TNRC18: variants seen among roughly 807,000 people sequenced by gnomAD.
TNRC18 encodes trinucleotide repeat containing 18, also known as trinucleotide repeat-containing gene 18 protein.
A neutral mutation model predicts 226.7 loss-of-function variants in TNRC18; 69 were observed. The ratio of observed to expected loss-of-function variants is 0.30; its 90% confidence interval spans 0.25 to 0.37. The LOEUF (loss-of-function observed/expected upper bound fraction) is 0.37. Ranked by LOEUF, TNRC18 falls within the 10% of genes least tolerant of loss-of-function variation. The pLI, the probability that TNRC18 is intolerant of heterozygous loss-of-function variation, is 1.00. For synonymous variants in TNRC18, 2,449 were observed against 1,927.6 expected, an observed-to-expected ratio of 1.27 and a Z score of -7.09; for missense variants, 4,754 against 4,256.6, an observed-to-expected ratio of 1.12 and a Z score of -3.25.
intron 17 of TNRC18, among the ~76,000 whole-genome samples, chr7:5,351,423 GC>G (rs1255984372): frequency 2.8e-5 from 4 of 140,592 alleles, no homozygotes; most frequent in Admixed American, 7.2e-5. Context: ...CCGAACCCGT[GC>G]CCAAAGAGAG....
intron 2 of TNRC18, among the ~76,000 whole-genome samples, chr7:5,405,128 AG>A (rs896835107): frequency 6.8e-6 from 1 of 146,804 alleles, no homozygotes; most frequent in African/African-American, 2.6e-5. Context: ...AAAAAAAAAA[AG>A]AAGTATACAG....
chr7:5,330,040 G>C (rs552629244), intron 19 of TNRC18: 12 of 469,978 alleles, frequency 2.6e-5, no homozygotes, highest in Non-Finnish European at 5.3e-5. Context: ...CCACATCTCA[G>C]CATCCCAAGA....
rs1473780156 is a variant in TNRC18 at position 5,361,785 on chromosome 7, A to G, written c.4533-63T>C. ...GGCGGGCGGGGCGCGGAGAACGGGC[A>G]CACGATGCACACACGGCGCCGGGTC... On this transcript the variant is annotated intron_variant, in intron 13 of 29. Coordinates refer to ENST00000430969, the MANE Select transcript of TNRC18 (RefSeq NM_001080495.3). 36 of 1,537,184 alleles carry G rather than the reference A, an allele frequency of 2.3e-5. No individual in the cohort carries two copies. In the East Asian group the frequency reaches 5.2e-4, roughly 22 times the overall value.
intron 18 of TNRC18, among the ~76,000 whole-genome samples, chr7:5,335,604 A>AG (rs1259628244): frequency 3.1e-3 from 192 of 62,562 alleles, no homozygotes; most frequent in African/African-American, 8.5e-3. Context: ...GACTCCGTCT[A>AG]GAAAAAAAAA....
chr7:5,314,954 C>A, intron 26 of TNRC18, 30 bp downstream of exon 26: 3 of 1,581,560 alleles, frequency 1.9e-6, no homozygotes, highest in South Asian at 1.2e-5. Flanking sequence ...ATCCGCCCAC[C>A]GCCCTGCCCT....
chr7:5,358,345 C>G (rs1432211463), intron 15 of TNRC18, among the ~76,000 whole-genome samples: 1 of 152,182 alleles, frequency 6.6e-6, no homozygotes, highest in Non-Finnish European at 1.5e-5. Flanking sequence ...TCTCTATTTT[C>G]TTTAATCAGG....
rs779544842 is a variant in TNRC18 at position 5,362,690 on chromosome 7, G to C, written c.4355C>G (p.Pro1452Arg). 3 of 1,587,848 alleles carry C rather than the reference G, an allele frequency of 1.9e-6. No homozygotes were observed. Among genetic ancestry groups the C allele is most frequent in the East Asian group, 2.3e-5 (1 of 43,724 alleles). The change falls in exon 12 of 30, where the codon CCC becomes CGC. Residue 1452 changes from proline to arginine, a missense_variant. Transcript: ENST00000430969. ...KNLRLPRELK[P>R]NKKYSWMRKK... ...GCGCATCCAGCTGTACTTCTTGTTG[G>C]GCTTCAGCTCCCGCGGGAGCCGCAG...
intron 11 of TNRC18, among the ~76,000 whole-genome samples, chr7:5,366,491 T>C (rs1313698210): frequency 6.6e-6 from 1 of 152,026 alleles, no homozygotes; most frequent in Admixed American, 6.6e-5. Context: ...ACCCAGCTAA[T>C]TTTTTTATTT....
chr7:5,308,964 G>C lies in TNRC18; in HGVS notation c.8626-15C>G, dbSNP rs1280539545. 1 of 1,596,430 alleles carries C rather than the reference G, an allele frequency of 6.3e-7. No individual in the cohort carries two copies. The highest frequency in any genetic ancestry group is 8.5e-7 in the Non-Finnish European group (1 of 1,173,124). Reference sequence around the variant, plus strand: ...TGGTCCCAGTGCTGTGTGGGGGAGAGAGGAGGGGCTTGGGTGAGCCCGGGG... The same window carrying C: ...TGGTCCCAGTGCTGTGTGGGGGAGACAGGAGGGGCTTGGGTGAGCCCGGGG... On this transcript the variant is annotated splice_polypyrimidine_tract_variant and intron_variant, in intron 28 of 29. Transcript: ENST00000430969.
intron 10 of TNRC18, among the ~76,000 whole-genome samples, chr7:5,372,196 T>C (rs961162506): frequency 1.3e-5 from 2 of 150,970 alleles, no homozygotes; most frequent in African/African-American, 4.9e-5. Flanking sequence ...CCCTCCCAAG[T>C]AGCTGGGACG....
At chr7:5,410,741 C>T (rs977840598) in intron 2 of TNRC18, among the ~76,000 whole-genome samples, 1 of 150,882 alleles carries the variant, frequency 6.6e-6, no homozygotes, top group Non-Finnish European at 1.5e-5. Context: ...TGGCATAAGC[C>T]TATAATCCCA....
intron 29 of TNRC18, among the ~76,000 whole-genome samples, chr7:5,308,542 G>A (rs1459928631): frequency 2.0e-5 from 3 of 151,964 alleles, no homozygotes; most frequent in Non-Finnish European, 2.9e-5. Context: ...ATCCAAAGAC[G>A]CAGAGAGACA....
In TNRC18 at chr7:5,345,545, C is replaced by CCCCCCCCCCCCCCCCCCCT; in HGVS notation, c.5719+16_5719+17insAGGGGGGGGGGGGGGGGGG. On this transcript the variant is annotated intron_variant, in intron 18 of 29. Coordinates refer to ENST00000430969, the MANE Select transcript of TNRC18 (RefSeq NM_001080495.3). ...CCTCCCACCCACCCCCACCGCAGCC[C>CCCCCCCCCCCCCCCCCCCT]ACCTGCTGCCACTTACCCAGCAGGC... 2 of 1,430,636 alleles carry CCCCCCCCCCCCCCCCCCCT rather than the reference C, an allele frequency of 1.4e-6. No individual in the cohort carries two copies. The highest frequency in any genetic ancestry group is 1.4e-5 in the South Asian group (1 of 70,246). 88.6% of individuals were successfully genotyped at this position (1,430,636 alleles called of 1,614,324 possible).
intron 19 of TNRC18, chr7:5,325,464 C>G: frequency 1.9e-6 from 1 of 524,986 alleles, no homozygotes; most frequent in Non-Finnish European, 3.3e-6. Flanking sequence ...CGCTCTGTCA[C>G]CGAGGCTGGA....
chr7:5,315,108 C>A lies in TNRC18; in HGVS notation c.6903G>T (p.Lys2301Asn), dbSNP rs774619893. The A allele has an allele frequency of 5.6e-6, 9 of 1,613,022 alleles. No individual in the cohort carries two copies. Among genetic ancestry groups the A allele is most frequent in the Non-Finnish European group, 7.6e-6 (9 of 1,179,700 alleles). The change falls in exon 26 of 30, where the codon AAG (lysine) becomes AAT (asparagine). Residue 2301 changes from lysine (K) to asparagine (N), a missense_variant. Lys to Asn is a moderately conservative substitution (Grantham distance 94). Transcript: ENST00000430969. ...PSPALLVPSA[K>N]RRSRKTSKDT... Reference sequence around the variant, plus strand: ...CTTTGCTGGTCTTCCGGCTGCGGCGCTTGGCACTTGGCACCAGAAGGGCCG... The same window carrying A: ...CTTTGCTGGTCTTCCGGCTGCGGCGATTGGCACTTGGCACCAGAAGGGCCG...
At chr7:5,334,498 C>T (rs772154217) in intron 18 of TNRC18, among the ~76,000 whole-genome samples, 18 of 151,078 alleles carry the variant, frequency 1.2e-4, no homozygotes, top group Admixed American at 2.6e-4. Flanking sequence ...GGGGTTTCAC[C>T]GTGTTAGGCA....
At chr7:5,403,885 G>C (rs769433424) in intron 2 of TNRC18, among the ~76,000 whole-genome samples, 2 of 152,028 alleles carry the variant, frequency 1.3e-5, no homozygotes, top group African/African-American at 2.4e-5. Flanking sequence ...CCCAGGAAAG[G>C]CATTATTCTG....
chr7:5,351,773 T>G (rs542236769), intron 17 of TNRC18, 46 bp downstream of exon 17: 2 of 1,518,102 alleles, frequency 1.3e-6, no homozygotes, highest in South Asian at 2.7e-5. Flanking sequence ...GCACGCACTC[T>G]CTCGCTAGGA....
chr7:5,400,810 G>T (rs1033326136), intron 2 of TNRC18, among the ~76,000 whole-genome samples: 1 of 152,004 alleles, frequency 6.6e-6, no homozygotes, highest in South Asian at 2.1e-4. Flanking sequence ...AGGTCAAGGT[G>T]GGCAGCAGAT....
Sources: allele counts gnomAD v4.1 joint callset (sites outside exome capture counted in the v4.1 genomes callset), GRCh38; gene constraint gnomAD v4.1.1; transcripts MANE v1.5; gene names NCBI Gene and HGNC (gene_info 2026-07-23, HGNC 2026-07-21).